Variants in GPC6 observed in about 807,000 individuals in gnomAD.
GPC6 encodes the protein glypican 6.
GPC6 carries 14 observed loss-of-function variants against 55.2 expected under a neutral mutation model. That is an observed-to-expected ratio of 0.25 (90% CI 0.17 to 0.40). GPC6 has a LOEUF of 0.40. GPC6 is among the 10% of genes least tolerant of loss of function. The probability of loss-of-function intolerance (pLI) is 1.00; values close to 1 mark genes in which losing one functional copy is unlikely to be tolerated. For synonymous variants in GPC6, 278 were observed against 259.6 expected, an observed-to-expected ratio of 1.07 and a Z score of -0.68; for missense variants, 641 against 708.5, an observed-to-expected ratio of 0.90 and a Z score of 1.08.
chr13:93,619,286 G>T (rs1274423572), intron 2 of GPC6, among the ~76,000 whole-genome samples: 3 of 152,120 alleles, frequency 2.0e-5, no homozygotes, highest in Non-Finnish European at 4.4e-5. Flanking sequence ...CCAAATTTAT[G>T]AATAAGTCAG....
intron 1 of GPC6, among the ~76,000 whole-genome samples, chr13:93,300,284 T>C (rs1442073641): frequency 6.6e-6 from 1 of 152,222 alleles, no homozygotes; most frequent in African/African-American, 2.4e-5. Flanking sequence ...ACTACATTAC[T>C]GAAAATAAGT....
intron 6 of GPC6, among the ~76,000 whole-genome samples, chr13:94,346,968 A>G (rs1319247203): frequency 6.6e-6 from 1 of 152,182 alleles, no homozygotes; most frequent in African/African-American, 2.4e-5. Context: ...ATTATTTTCC[A>G]CAGCAGCCTT....
At chr13:94,175,917 A>C (rs1015721668) in intron 4 of GPC6, among the ~76,000 whole-genome samples, 1 of 144,616 alleles carries the variant, frequency 6.9e-6, no homozygotes. Context: ...ATTTTCCCAA[A>C]AGGGAGTATC....
At chr13:94,015,035 C>T (rs1262183840) in intron 3 of GPC6, among the ~76,000 whole-genome samples, 4 of 152,136 alleles carry the variant, frequency 2.6e-5, no homozygotes, top group Non-Finnish European at 5.9e-5. Flanking sequence ...ATTTTCATTT[C>T]TCTTGAGCAT....
rs557495361 is a variant in GPC6, at chr13:93,500,169, G to A, written c.161-45094G>A. ...CAGATGCTGTAAGCAATTCCAGGTT[G>A]GCATTTGGTGTGAGCTACAGGGAGG... On this transcript the variant is annotated intron_variant, in intron 1 of 8. Transcript: ENST00000377047. 8.5e-5 allele frequency among the ~76,000 whole-genome samples: 13 copies of A among 152,304 alleles called. No homozygotes were observed. In the South Asian group the frequency reaches 1.7e-3, roughly 19 times the overall value.
intron 1 of GPC6, among the ~76,000 whole-genome samples, chr13:93,443,922 G>A (rs1019179516): frequency 2.6e-5 from 4 of 152,210 alleles, no homozygotes; most frequent in Middle Eastern, 3.4e-3. Context: ...CAGTGCTTTC[G>A]CCAATGTAAA....
chr13:93,779,850 T>G (rs1229446638), intron 2 of GPC6, among the ~76,000 whole-genome samples: 2 of 152,178 alleles, frequency 1.3e-5, no homozygotes, highest in Non-Finnish European at 2.9e-5. Flanking sequence ...ACTCTTCCAC[T>G]CTATAAAGAA....
intron 3 of GPC6, among the ~76,000 whole-genome samples, chr13:93,991,950 T>C (rs1881328076): frequency 6.6e-6 from 1 of 152,194 alleles, no homozygotes; most frequent in East Asian, 1.9e-4. Flanking sequence ...GCTTTGTGTA[T>C]TTCCATAAAA....
At chr13:94,033,985 A>G (rs1883233688) in intron 4 of GPC6, among the ~76,000 whole-genome samples, 1 of 152,184 alleles carries the variant, frequency 6.6e-6, no homozygotes, top group African/African-American at 2.4e-5. Context: ...GCCCTTGAGC[A>G]TTCGTGAAAG....
intron 1 of GPC6, among the ~76,000 whole-genome samples, chr13:93,324,188 A>G (rs1879559121): frequency 6.6e-6 from 1 of 152,192 alleles, no homozygotes; most frequent in Non-Finnish European, 1.5e-5. Flanking sequence ...GAAATAAGCC[A>G]GGCACAGAAA....
At chr13:93,911,793 T>G (rs887246925) in intron 3 of GPC6, among the ~76,000 whole-genome samples, 3 of 152,210 alleles carry the variant, frequency 2.0e-5, no homozygotes, top group African/African-American at 7.2e-5. Flanking sequence ...GTTTGTAAGT[T>G]AATGGAGTAA....
intron 4 of GPC6, among the ~76,000 whole-genome samples, chr13:94,180,177 G>T (rs767958675): frequency 2.6e-5 from 4 of 152,132 alleles, no homozygotes; most frequent in Non-Finnish European, 5.9e-5. Context: ...TTATTAGAAA[G>T]ATAAGGGAGA....
chr13:94,163,540 T>C (rs576985021), intron 4 of GPC6, among the ~76,000 whole-genome samples: 1 of 152,298 alleles, frequency 6.6e-6, no homozygotes, highest in South Asian at 2.1e-4. Flanking sequence ...GTTCAAATTT[T>C]ATGGGAGGTA....
At chr13:94,399,687 T>G (rs1881047141) in intron 8 of GPC6, among the ~76,000 whole-genome samples, 2 of 152,206 alleles carry the variant, frequency 1.3e-5, no homozygotes, top group African/African-American at 4.8e-5. Context: ...TGCAAAAAAT[T>G]TTTGTGCTTT....
At position 93,376,066 on chromosome 13, in the gene GPC6, T is replaced by G. The variant is rs1005581698; in HGVS notation, c.160+148450T>G. 1.9e-3 allele frequency among the ~76,000 whole-genome samples: 272 copies of G among 140,688 alleles called. 1 individual carries two copies. Among genetic ancestry groups the G allele is most frequent in the African/African-American group, 5.9e-3 (230 of 38,712 alleles). The allele number at this position is 140,688 out of a possible 152,430, so 92.3% of individuals were successfully genotyped here. On this transcript the variant is annotated intron_variant, in intron 1 of 8. Coordinates refer to ENST00000377047, the MANE Select transcript of GPC6 (RefSeq NM_005708.5). The stretch of plus-strand genomic sequence containing the variant: ...ATCTGGCACTTTTTTTTTTTTTTTT[T>G]GATGAGGGAGAGAGCTTCCTGAAAC...
At chr13:94,055,628 A>G (rs1884104199) in intron 4 of GPC6, among the ~76,000 whole-genome samples, 1 of 152,184 alleles carries the variant, frequency 6.6e-6, no homozygotes. Context: ...TTTTTAGCAA[A>G]GAACCTTTAT....
intron 4 of GPC6, among the ~76,000 whole-genome samples, chr13:94,271,366 ACGCGCGCGCGCGCG>A (rs35593846): frequency 3.8e-5 from 5 of 131,224 alleles, no homozygotes; most frequent in Admixed American, 7.2e-5. Context: ...ACACACACAC[ACGCGCGCGCGCGCG>A]CGCACACACA....
At chr13:93,450,746 G>A in intron 1 of GPC6, 2 of 962,292 alleles carry the variant, frequency 2.1e-6, no homozygotes, top group Non-Finnish European at 2.5e-6. Context: ...TACAGTTTAA[G>A]GTAAGGATGA....
intron 1 of GPC6, among the ~76,000 whole-genome samples, chr13:93,275,749 T>C (rs1877710892): frequency 6.6e-6 from 1 of 152,182 alleles, no homozygotes; most frequent in African/African-American, 2.4e-5. Flanking sequence ...CATGTCCTCA[T>C]CTTAACCTAA....
Sources: allele counts gnomAD v4.1 joint callset (sites outside exome capture counted in the v4.1 genomes callset), GRCh38; gene constraint gnomAD v4.1.1; transcripts MANE v1.5; gene names NCBI Gene and HGNC (gene_info 2026-07-23, HGNC 2026-07-21).